YBX1: variants seen among roughly 807,000 people sequenced by gnomAD.
The protein encoded by YBX1 is Y-box binding protein 1, also known as Y-box-binding protein 1.
A neutral mutation model predicts 41.4 loss-of-function variants in YBX1; 3 were observed. The ratio of observed to expected loss-of-function variants is 0.07; its 90% CI spans 0.03 to 0.19. YBX1 has a LOEUF of 0.19. YBX1 is among the 10% of genes least tolerant of loss of function. The pLI is 1.00. For missense variants in YBX1, 274 were observed against 462.8 expected, an observed-to-expected ratio of 0.59 and a Z score of 3.74; for synonymous variants, 133 against 165.8, an observed-to-expected ratio of 0.80 and a Z score of 1.52.
rs139978211 is a variant in YBX1 at position 42,689,227 on chromosome 1, G to A, written c.231-4263G>A. ...ATATGTGGGAAACAGAAGTGAGTCTGTTGGGTGTGAAGGGTGTTTAATAGA... is the reference window on the plus strand; with the variant it reads ...ATATGTGGGAAACAGAAGTGAGTCTATTGGGTGTGAAGGGTGTTTAATAGA... On this transcript the variant is annotated intron_variant, in intron 2 of 7. Coordinates refer to ENST00000321358, the MANE Select transcript of YBX1 (RefSeq NM_004559.5). Among the ~76,000 whole-genome samples, 265 of 152,320 alleles carry A rather than the reference G, an allele frequency of 1.7e-3. 1 individual carries two copies. The highest frequency in any genetic ancestry group is 2.1e-3 in the East Asian group (11 of 5,180).
At chr1:42,701,233 T>A (rs554268625) in intron 7 of YBX1, among the ~76,000 whole-genome samples, 187 bp downstream of exon 7, 34 of 152,344 alleles carry the variant, frequency 2.2e-4, no homozygotes, top group African/African-American at 7.5e-4. Flanking sequence ...CAGAGTCATA[T>A]TTGGCCACCC....
intron 2 of YBX1, among the ~76,000 whole-genome samples, chr1:42,687,809 A>G (rs1650233511): frequency 6.6e-6 from 1 of 152,190 alleles, no homozygotes; most frequent in Admixed American, 6.5e-5. Flanking sequence ...TTAAAGTCAC[A>G]CTGATCTTAA....
chr1:42,685,318 T>C (rs145364891), intron 2 of YBX1, among the ~76,000 whole-genome samples: 4 of 152,348 alleles, frequency 2.6e-5, no homozygotes, highest in Admixed American at 2.0e-4. Flanking sequence ...GGGCAAGTTA[T>C]GAATTGGCTT....
intron 3 of YBX1, 55 bp downstream of exon 3, chr1:42,693,578 G>C (rs1170728893): frequency 3.8e-6 from 6 of 1,585,848 alleles, no homozygotes; most frequent in Non-Finnish European, 5.2e-6. Flanking sequence ...AAGAAGAAAA[G>C]GTTAGATATG....
intron 6 of YBX1, among the ~76,000 whole-genome samples, chr1:42,698,783 T>G (rs1650522517): frequency 6.6e-6 from 1 of 152,236 alleles, no homozygotes; most frequent in South Asian, 2.1e-4. Flanking sequence ...TTTCAATGTT[T>G]AGAATGCTCA....
At chr1:42,687,990 T>C (rs1229467817) in intron 2 of YBX1, among the ~76,000 whole-genome samples, 1 of 152,152 alleles carries the variant, frequency 6.6e-6, no homozygotes, top group African/African-American at 2.4e-5. Context: ...ATCAATGACA[T>C]GTATGCAGGA....
Position 42,703,372 on chromosome 1 carries a change from C to T in YBX1, c.*1423C>T, listed in dbSNP as rs770915532. 6.6e-6 allele frequency among the ~76,000 whole-genome samples: 1 copy of T among 151,954 alleles called. No homozygotes were observed. Among genetic ancestry groups the T allele is most frequent in the African/African-American group, 2.4e-5 (1 of 41,360 alleles). ...CCCAGGGGAAGCAGACAGTAGGGGT[C>T]GGGAGTAGGCCAGAGTGGCACATCA... is the stretch of plus-strand genomic sequence containing the variant. On this transcript the variant is annotated 3_prime_UTR_variant, in exon 8 of 8. Coordinates refer to ENST00000321358, the MANE Select transcript of YBX1 (RefSeq NM_004559.5).
intron 2 of YBX1, among the ~76,000 whole-genome samples, chr1:42,685,705 G>A (rs1650178138): frequency 6.6e-6 from 1 of 152,112 alleles, no homozygotes; most frequent in Non-Finnish European, 1.5e-5. Context: ...TGGGGTTTTT[G>A]GATGCGCTGG....
At position 42,697,263 on chromosome 1, in the gene YBX1, G is replaced by GTAA; in HGVS notation, c.740+3_740+4insATA. The GTAA allele has an allele frequency of 6.2e-7, 1 of 1,613,230 alleles. No individual in the cohort carries two copies. Among genetic ancestry groups the GTAA allele is most frequent in the South Asian group, 1.1e-5 (1 of 90,906 alleles). On this transcript the variant is annotated splice_donor_variant, in intron 6 of 7. Transcript: ENST00000321358. LOFTEE classifies it high-confidence loss of function. ...GGGGATATAGACCACGATTCCGCAGGTATGGTCCACGTAAACATGTTTCTA... is the reference window on the plus strand; with the variant it reads ...GGGGATATAGACCACGATTCCGCAGGTAATATGGTCCACGTAAACATGTTTCTA...
Position 42,702,537 on chromosome 1 carries a change from T to C in YBX1, c.*588T>C, listed in dbSNP as rs1650630523. 6.6e-6 allele frequency among the ~76,000 whole-genome samples: 1 copy of C among 152,208 alleles called. No homozygotes were observed. Among genetic ancestry groups the C allele is most frequent in the African/African-American group, 2.4e-5 (1 of 41,448 alleles). On this transcript the variant is annotated 3_prime_UTR_variant, in exon 8 of 8. Transcript: ENST00000321358. ...CCCATACTAAAAATTAGAAAATACA[T>C]ACTCTGATAACCTGGCCATTTTTCA...
intron 2 of YBX1, among the ~76,000 whole-genome samples, chr1:42,688,759 C>G (rs57598912): frequency 6.6e-6 from 1 of 152,058 alleles, no homozygotes; most frequent in African/African-American, 2.4e-5. Flanking sequence ...TTCAGTTGCT[C>G]GATATGTGCT....
chr1:42,686,156 G>C (rs769158293), intron 2 of YBX1, among the ~76,000 whole-genome samples: 4 of 152,168 alleles, frequency 2.6e-5, no homozygotes, highest in Non-Finnish European at 4.4e-5. Context: ...ACAGTTTATA[G>C]TGACCAGAAT....
At position 42,700,961 on chromosome 1, in the gene YBX1, T is replaced by C; in HGVS notation, c.921T>C (p.Asp307=). Residue 307 remains aspartate (D), a synonymous_variant, in exon 7 of 8, where the codon GAT becomes GAC. Coordinates refer to ENST00000321358, the MANE Select transcript of YBX1 (RefSeq NM_004559.5). ...PQDGKETKAA[D]PPAENSSAPE... is the part of the protein sequence containing the mutation. Reference sequence around the variant, plus strand: ...ATGGCAAAGAGACAAAAGCAGCCGATCCACCAGCTGAGAATTCGTCCGCTC... The same window carrying C: ...ATGGCAAAGAGACAAAAGCAGCCGACCCACCAGCTGAGAATTCGTCCGCTC... 1 of 1,614,090 alleles carries C rather than the reference T, an allele frequency of 6.2e-7. No individual in the cohort carries two copies. The highest frequency in any genetic ancestry group is 8.5e-7 in the Non-Finnish European group (1 of 1,180,016).
intron 2 of YBX1, among the ~76,000 whole-genome samples, chr1:42,683,929 GGTT>G (rs1650126969): frequency 6.6e-6 from 1 of 152,122 alleles, no homozygotes; most frequent in African/African-American, 2.4e-5. Context: ...TTTACCGAGA[GGTT>G]GTATTGCCTT....
chr1:42,700,258 C>T (rs987095679), intron 6 of YBX1, among the ~76,000 whole-genome samples: 18 of 152,040 alleles, frequency 1.2e-4, no homozygotes, highest in Admixed American at 3.3e-4. Context: ...AGAGGAAAGG[C>T]CAGGAATCCA....
At chr1:42,687,460 T>A (rs1485942994) in intron 2 of YBX1, among the ~76,000 whole-genome samples, 2 of 152,110 alleles carry the variant, frequency 1.3e-5, no homozygotes, top group Non-Finnish European at 2.9e-5. Flanking sequence ...TTTTGTATTT[T>A]TAGTGGAAAC....
chr1:42,682,945 C>G (rs1276756560), intron 1 of YBX1: 1 of 149,124 alleles, frequency 6.7e-6, no homozygotes. Flanking sequence ...GTGGACCCCG[C>G]GCGGCCGCGC....
intron 1 of YBX1, 153 bp downstream of exon 1, chr1:42,682,884 C>G (rs1650074637): frequency 6.5e-6 from 2 of 309,420 alleles, no homozygotes; most frequent in Non-Finnish European, 1.1e-5. Context: ...CTCACTCCCT[C>G]TCGCGGGGAC....
At chr1:42,698,632 C>T (rs933024160) in intron 6 of YBX1, among the ~76,000 whole-genome samples, 6 of 152,118 alleles carry the variant, frequency 3.9e-5, no homozygotes, top group Admixed American at 2.0e-4. Context: ...TTCAGTTCAC[C>T]GTTGAGTAAA....
Sources: allele counts gnomAD v4.1 joint callset (sites outside exome capture counted in the v4.1 genomes callset), GRCh38; gene constraint gnomAD v4.1.1; transcripts MANE v1.5; gene names NCBI Gene and HGNC (gene_info 2026-07-23, HGNC 2026-07-21).